HCRTR2: variants seen among roughly 807,000 people sequenced by gnomAD.
HCRTR2 encodes the protein hypocretin receptor 2, also known as orexin receptor type 2.
HCRTR2 carries 22 observed loss-of-function variants against 49.0 expected under a neutral mutation model. The ratio of observed to expected loss-of-function variants is 0.45; its 90% CI spans 0.32 to 0.64. The LOEUF (loss-of-function observed/expected upper bound fraction) is 0.64, where lower values mean the gene tolerates loss of function less well. Ranked by LOEUF, HCRTR2 falls within the 30% of genes least tolerant of loss-of-function variation. The pLI, the probability that HCRTR2 is intolerant of heterozygous loss-of-function variation, is 0.04. For synonymous variants in HCRTR2, 236 were observed against 205.3 expected (o/e 1.15, Z -1.28); for missense variants, 491 against 559.4 (o/e 0.88, Z 1.23).
chr6:55,153,701 C>A (rs548121072), intron 1 of HCRTR2, among the ~76,000 whole-genome samples: 1 of 151,912 alleles, frequency 6.6e-6, no homozygotes, highest in South Asian at 2.1e-4. Flanking sequence ...ATTTGAGATC[C>A]ATACTGGTGG....
intron 1 of HCRTR2, among the ~76,000 whole-genome samples, chr6:55,225,311 C>T (rs1326347109): frequency 1.3e-5 from 2 of 152,032 alleles, no homozygotes; most frequent in African/African-American, 4.8e-5. Flanking sequence ...AATGGTGTAT[C>T]TGATCTTTTA....
At chr6:55,122,727 A>G (rs894023988) in intron 1 of HCRTR2, among the ~76,000 whole-genome samples, 69 of 152,080 alleles carry the variant, frequency 4.5e-4, no homozygotes, top group Non-Finnish European at 6.9e-4. Flanking sequence ...TAAATGTCCA[A>G]CAATGATAGA....
At chr6:55,170,215 A>G (rs1178710348), upstream of HCRTR2, among the ~76,000 whole-genome samples, 1 of 149,958 alleles carries the variant, frequency 6.7e-6, no homozygotes, top group African/African-American at 2.4e-5. Context: ...TTATTTATAC[A>G]TAGTATTTGT....
chr6:55,261,080 A>AATT (rs1333736389), intron 3 of HCRTR2, among the ~76,000 whole-genome samples: 2 of 152,344 alleles, frequency 1.3e-5, no homozygotes, highest in East Asian at 1.9e-4. Flanking sequence ...ATTCAATTAG[A>AATT]ATTATAATGA....
At chr6:55,120,226 T>C (rs1187463232) in intron 1 of HCRTR2, among the ~76,000 whole-genome samples, 1 of 152,130 alleles carries the variant, frequency 6.6e-6, no homozygotes, top group Non-Finnish European at 1.5e-5. Context: ...CTTTGTTCTT[T>C]TTGCTTAGGA....
At chr6:55,214,987 AAG>A (rs1765763033) in intron 1 of HCRTR2, among the ~76,000 whole-genome samples, 1 of 152,064 alleles carries the variant, frequency 6.6e-6, no homozygotes. Context: ...TTTAGAAGAA[AAG>A]GACAGAAAAA....
At chr6:55,180,918 G>A (rs935235857) in intron 1 of HCRTR2, among the ~76,000 whole-genome samples, 1 of 150,744 alleles carries the variant, frequency 6.6e-6, no homozygotes, top group African/African-American at 2.4e-5. Context: ...TCCTGCCTCA[G>A]CCTCCCCAGT....
At chr6:55,113,674 G>T (rs1764080574) in intron 1 of HCRTR2, among the ~76,000 whole-genome samples, 1 of 151,760 alleles carries the variant, frequency 6.6e-6, no homozygotes, top group African/African-American at 2.4e-5. Context: ...TGGTGAAAAG[G>T]GAACATTTTT....
At chr6:55,242,400 A>C (rs143245208) in intron 1 of HCRTR2, among the ~76,000 whole-genome samples, 1 of 151,956 alleles carries the variant, frequency 6.6e-6, no homozygotes, top group Admixed American at 6.6e-5. Context: ...AAAAAAATCT[A>C]CTTTCTATCT....
chr6:55,216,607 C>T (rs1396773476), intron 1 of HCRTR2, among the ~76,000 whole-genome samples: 1 of 151,860 alleles, frequency 6.6e-6, no homozygotes, highest in Non-Finnish European at 1.5e-5. Context: ...AAAGAATACT[C>T]TTTTTTGGGT....
rs543095049 is a variant in HCRTR2 at position 55,209,852 on chromosome 6, A to G, written c.223+35042A>G. 2.0e-5 allele frequency among the ~76,000 whole-genome samples: 3 copies of G among 152,190 alleles called. No individual in the cohort carries two copies. The East Asian group carries it at 5.8e-4, about 29-fold the overall frequency. On this transcript the variant is annotated intron_variant, in intron 1 of 6. Transcript: ENST00000370862. ...GTTGTTTAATGTTTTCCAATGTAAT[A>G]TTCTTCTTGCACTCCAGTGAGTTTA... is the stretch of plus-strand genomic sequence containing the variant.
chr6:55,155,234 A>G (rs1764715386), intron 1 of HCRTR2, among the ~76,000 whole-genome samples: 3 of 151,838 alleles, frequency 2.0e-5, no homozygotes, highest in African/African-American at 4.8e-5. Flanking sequence ...TCTTAACACT[A>G]TTTAAACCAA....
chr6:55,192,767 A>T (rs1368399142), intron 1 of HCRTR2, among the ~76,000 whole-genome samples: 1 of 152,198 alleles, frequency 6.6e-6, no homozygotes, highest in Non-Finnish European at 1.5e-5. Context: ...GTTAATCTAC[A>T]TACTCAATCT....
At chr6:55,145,878 T>C (rs1025512816) in intron 1 of HCRTR2, among the ~76,000 whole-genome samples, 1 of 152,078 alleles carries the variant, frequency 6.6e-6, no homozygotes, top group African/African-American at 2.4e-5. Flanking sequence ...CCCATATACT[T>C]AGAATAATCC....
At chr6:55,166,195 A>C (rs927247253) in intron 1 of HCRTR2, among the ~76,000 whole-genome samples, 1 of 151,992 alleles carries the variant, frequency 6.6e-6, no homozygotes, top group African/African-American at 2.4e-5. Context: ...ATGGTGTATT[A>C]TCTTTTTGAT....
At chr6:55,208,323 A>T (rs901890343) in intron 1 of HCRTR2, among the ~76,000 whole-genome samples, 3 of 148,656 alleles carry the variant, frequency 2.0e-5, no homozygotes, top group African/African-American at 2.5e-5. Context: ...GAAAAATAAA[A>T]AAATAAAAAA....
At chr6:55,125,155 A>G (rs1764255789) in intron 1 of HCRTR2, among the ~76,000 whole-genome samples, 1 of 152,158 alleles carries the variant, frequency 6.6e-6, no homozygotes, top group African/African-American at 2.4e-5. Context: ...TACTGTCATT[A>G]TGATGCTAGC....
intron 1 of HCRTR2, among the ~76,000 whole-genome samples, chr6:55,165,646 T>G (rs1182193873): frequency 6.6e-6 from 1 of 151,184 alleles, no homozygotes; most frequent in Non-Finnish European, 1.5e-5. Flanking sequence ...TTAAAACTTT[T>G]TTGCATCGTA....
intron 1 of HCRTR2, among the ~76,000 whole-genome samples, chr6:55,145,224 T>C (rs962409098): frequency 1.3e-5 from 2 of 152,184 alleles, no homozygotes; most frequent in African/African-American, 4.8e-5. Context: ...TTTTCTTTTC[T>C]CAACTGGTTT....
Sources: gnomAD v4.1 joint callset for allele counts (sites outside exome capture counted in the v4.1 genomes callset) on GRCh38, gnomAD v4.1.1 for gene constraint, MANE v1.5 for transcripts, NCBI Gene and HGNC (gene_info 2026-07-23, HGNC 2026-07-21) for gene names.